TMEM132B: variants seen among roughly 807,000 people sequenced by gnomAD.
TMEM132B encodes the protein transmembrane protein 132B.
TMEM132B carries 18 observed loss-of-function variants against 90.8 expected under a neutral mutation model. The ratio of observed to expected loss-of-function variants is 0.20; its 90% CI spans 0.14 to 0.29. The LOEUF is 0.29. Ranked by LOEUF, TMEM132B falls within the 10% of genes least tolerant of loss-of-function variation. TMEM132B has a pLI of 1.00. For synonymous variants in TMEM132B, 504 were observed against 523.3 expected (o/e 0.96, Z 0.50); for missense variants, 1,096 against 1,326.8 (o/e 0.83, Z 2.70).
intron 1 of TMEM132B, among the ~76,000 whole-genome samples, chr12:125,223,034 G>A (rs1031691660): frequency 2.0e-5 from 3 of 152,224 alleles, no homozygotes; most frequent in Admixed American, 6.5e-5. Flanking sequence ...TGCAAGAAAT[G>A]TAGGATTTCA....
chr12:125,413,131 G>T (rs1402784423), intron 2 of TMEM132B, among the ~76,000 whole-genome samples: 1 of 152,112 alleles, frequency 6.6e-6, no homozygotes, highest in South Asian at 2.1e-4. Context: ...TACCCTTAAG[G>T]TTCCTTACGG....
chr12:125,200,069 T>C (rs1003657197), intron 1 of TMEM132B, among the ~76,000 whole-genome samples: 3 of 152,182 alleles, frequency 2.0e-5, no homozygotes, highest in Admixed American at 6.5e-5. Context: ...GGAAGTAGGA[T>C]TGCATTTGGA....
intron 4 of TMEM132B, among the ~76,000 whole-genome samples, chr12:125,520,653 C>T (rs1883285094): frequency 6.6e-6 from 1 of 152,158 alleles, no homozygotes; most frequent in Admixed American, 6.5e-5. Flanking sequence ...CCTCCCCTGC[C>T]AGCTCATCAC....
chr12:125,242,640 C>G (rs915530392), intron 1 of TMEM132B, among the ~76,000 whole-genome samples: 1 of 152,184 alleles, frequency 6.6e-6, no homozygotes, highest in South Asian at 2.1e-4. Flanking sequence ...ACCCCGTGCA[C>G]TTGAGGTGTT....
intron 3 of TMEM132B, among the ~76,000 whole-genome samples, chr12:125,515,528 C>G (rs556834208): frequency 1.3e-5 from 2 of 152,034 alleles, no homozygotes; most frequent in African/African-American, 4.8e-5. Flanking sequence ...CCCCTTCACA[C>G]ATTCTCACGC....
intron 1 of TMEM132B, among the ~76,000 whole-genome samples, chr12:125,297,540 T>C (rs1021840294): frequency 2.6e-5 from 4 of 152,246 alleles, no homozygotes; most frequent in Non-Finnish European, 1.5e-5. Flanking sequence ...CATCAGCATT[T>C]ATTGAGCACC....
rs1879554345 is a variant in TMEM132B, at chr12:125,408,002, G to A, written c.960-7529G>A. The stretch of plus-strand genomic sequence containing the variant: ...AGAAGGAGAGACAGAGCATGGCAGG[G>A]TCCCCAGAAGCCCAGCAGGACTCCA... On this transcript the variant is annotated intron_variant, in intron 2 of 8. Transcript: ENST00000682704. The surrounding 1 kb of genome is among the most constrained non-coding windows in gnomAD (Gnocchi z 5.9). Among the ~76,000 whole-genome samples, 1 of 152,216 alleles carries A rather than the reference G, an allele frequency of 6.6e-6. No homozygotes were observed.
At chr12:125,453,379 G>A (rs1881208567) in intron 3 of TMEM132B, among the ~76,000 whole-genome samples, 1 of 152,178 alleles carries the variant, frequency 6.6e-6, no homozygotes, top group Non-Finnish European at 1.5e-5. Context: ...ATGGATCGCA[G>A]TGTGTCTGTC....
intron 3 of TMEM132B, among the ~76,000 whole-genome samples, chr12:125,473,620 T>G (rs1315355123): frequency 6.6e-6 from 1 of 152,240 alleles, no homozygotes; most frequent in South Asian, 2.1e-4. Context: ...TTCATGGGAC[T>G]CTCCTGTGGA....
At position 125,350,339 on chromosome 12, in the gene TMEM132B, C is replaced by T. The variant is rs866376257; in HGVS notation, c.955C>T (p.Leu319Phe). Residue 319 changes from leucine (L) to phenylalanine (F), a missense_variant, in exon 2 of 9, where the codon CTT (leucine) becomes TTT (phenylalanine). Leu to Phe is a conservative substitution (Grantham distance 22). Coordinates refer to ENST00000682704, the MANE Select transcript of TMEM132B (RefSeq NM_001366854.1). ...TSSSVADQFT[L>F]RIKAAAGVKI... ...TAGCTCTGTGGCAGACCAGTTCACT[C>T]TTAGGTAAGAGGCTTTGCCAGGTGG... 1 of 1,610,250 alleles carries T rather than the reference C, an allele frequency of 6.2e-7. No homozygotes were observed. Among genetic ancestry groups the T allele is most frequent in the Non-Finnish European group, 8.5e-7 (1 of 1,178,546 alleles).
At chr12:125,370,602 T>A (rs944987102) in intron 2 of TMEM132B, among the ~76,000 whole-genome samples, 8 of 152,178 alleles carry the variant, frequency 5.3e-5, no homozygotes, top group African/African-American at 1.9e-4. Context: ...GACATGGGGG[T>A]CTTGCTCTGT....
At chr12:125,385,902 T>C (rs1187820392) in intron 2 of TMEM132B, among the ~76,000 whole-genome samples, 1 of 152,200 alleles carries the variant, frequency 6.6e-6, no homozygotes, top group Non-Finnish European at 1.5e-5. Context: ...TATATTCTAG[T>C]AGGAGAGACA....
intron 2 of TMEM132B, among the ~76,000 whole-genome samples, chr12:125,394,209 A>G (rs375789852): frequency 1.3e-5 from 2 of 152,180 alleles, no homozygotes; most frequent in East Asian, 3.8e-4. Flanking sequence ...TGATCAGAAA[A>G]CTGAGGCTCA....
intron 4 of TMEM132B, among the ~76,000 whole-genome samples, chr12:125,536,080 C>T (rs1247370270): frequency 6.6e-6 from 1 of 152,204 alleles, no homozygotes; most frequent in Non-Finnish European, 1.5e-5. Flanking sequence ...CCCTGTTTTC[C>T]ACATGCCATG....
At chr12:125,235,615 C>A (rs1873916867) in intron 1 of TMEM132B, among the ~76,000 whole-genome samples, 2 of 152,146 alleles carry the variant, frequency 1.3e-5, no homozygotes, top group South Asian at 4.1e-4. Context: ...TGAGCAGCCA[C>A]TCCCTAATCC....
intron 4 of TMEM132B, among the ~76,000 whole-genome samples, chr12:125,520,916 G>A (rs1409397406): frequency 6.6e-6 from 1 of 152,198 alleles, no homozygotes; most frequent in African/African-American, 2.4e-5. Flanking sequence ...AGATTAGACT[G>A]ACGGAGATCA....
chr12:125,360,175 C>T (rs985628254), intron 2 of TMEM132B, among the ~76,000 whole-genome samples: 1 of 152,172 alleles, frequency 6.6e-6, no homozygotes, highest in African/African-American at 2.4e-5. Flanking sequence ...CTGTCTTTTC[C>T]TACATGTAAG....
At chr12:125,343,435 A>T (rs1877257625) in intron 1 of TMEM132B, among the ~76,000 whole-genome samples, 1 of 152,188 alleles carries the variant, frequency 6.6e-6, no homozygotes, top group Non-Finnish European at 1.5e-5. Context: ...GTGTCCATGA[A>T]CCTGGCCTTG....
At chr12:125,279,087 C>A (rs772175464) in intron 1 of TMEM132B, among the ~76,000 whole-genome samples, 1 of 152,176 alleles carries the variant, frequency 6.6e-6, no homozygotes, top group Non-Finnish European at 1.5e-5. Context: ...GGTATTTGGG[C>A]ATTTAACCAT....
Sources: gnomAD v4.1 joint callset for allele counts (sites outside exome capture counted in the v4.1 genomes callset) on GRCh38, gnomAD v4.1.1 for gene constraint, Gnocchi (gnomAD v3.1) non-coding constraint, MANE v1.5 for transcripts, NCBI Gene and HGNC (gene_info 2026-07-23, HGNC 2026-07-21) for gene names.